Variants in ANKRD55 observed in about 807,000 individuals in gnomAD.
ANKRD55 encodes the protein ankyrin repeat domain 55, also known as ankyrin repeat domain-containing protein 55.
A neutral mutation model predicts 60.6 loss-of-function variants in ANKRD55; 41 were observed. That is an observed-to-expected ratio of 0.68 (90% CI 0.53 to 0.88). The LOEUF is 0.88. Among genes scored for constraint, ANKRD55 ranks in the 40% least tolerant of loss-of-function variants. The pLI is 0.00. For synonymous variants in ANKRD55, 264 were observed against 290.3 expected (o/e 0.91, Z 0.92); for missense variants, 732 against 767.6 (o/e 0.95, Z 0.55).
At chr5:56,124,448 TA>T (rs1204643000) in intron 8 of ANKRD55, among the ~76,000 whole-genome samples, 11 of 152,334 alleles carry the variant, frequency 7.2e-5, no homozygotes, top group African/African-American at 2.6e-4. Context: ...ACAATTATTG[TA>T]AATACTTAAA....
chr5:56,226,696 T>G (rs1185782076), intron 2 of ANKRD55, among the ~76,000 whole-genome samples: 2 of 152,198 alleles, frequency 1.3e-5, no homozygotes, highest in Non-Finnish European at 2.9e-5. Context: ...CAGACACTTC[T>G]CAAAAGAAGA....
chr5:56,193,110 C>A, intron 2 of ANKRD55: 1 of 686,162 alleles, frequency 1.5e-6, no homozygotes, highest in Non-Finnish European at 2.4e-6. Context: ...AAATATGATT[C>A]TAAAGAACAC....
chr5:56,194,102 G>C (rs1023049199), intron 2 of ANKRD55, among the ~76,000 whole-genome samples: 1 of 152,050 alleles, frequency 6.6e-6, no homozygotes, highest in African/African-American at 2.4e-5. Context: ...TGGATCACGA[G>C]GTCAGGAGAT....
rs747705689 is a variant in ANKRD55 at position 56,183,610 on chromosome 5, A to G, written c.83T>C (p.Leu28Pro). The change falls in exon 3 of 12, where the codon CTG becomes CCG. Residue 28 changes from leucine to proline, a missense_variant. Leu to Pro is a moderately conservative substitution (Grantham distance 98, BLOSUM62 -3). Transcript: ENST00000341048. ...QRGDSSEEVD[L>P]TMVYQAASNG... ...AGAGGCTGCTTGATAAACCATGGTC[A>G]GGTCAACTTCCTCAGATGAGTCACC... 1.2e-6 allele frequency: 2 copies of G among 1,614,192 alleles called. No individual in the cohort carries two copies. The highest frequency in any genetic ancestry group is 1.7e-6 in the Non-Finnish European group (2 of 1,180,036).
At chr5:56,186,813 A>T (rs1758985472) in intron 2 of ANKRD55, among the ~76,000 whole-genome samples, 1 of 152,220 alleles carries the variant, frequency 6.6e-6, no homozygotes, top group African/African-American at 2.4e-5. Context: ...GGCACAAGAA[A>T]TAGGGCCCAG....
intron 7 of ANKRD55, chr5:56,137,029 AAG>A: frequency 2.7e-6 from 2 of 736,512 alleles, no homozygotes; most frequent in Non-Finnish European, 5.1e-6. Flanking sequence ...CATGCAAATC[AAG>A]AGGTTCAAGT....
chr5:56,217,580 A>G (rs974578791), intron 2 of ANKRD55, among the ~76,000 whole-genome samples: 3 of 152,200 alleles, frequency 2.0e-5, no homozygotes, highest in Non-Finnish European at 4.4e-5. Context: ...AAAACTCTGG[A>G]AAGAATTAAC....
chr5:56,184,134 C>T (rs540094363), intron 2 of ANKRD55, among the ~76,000 whole-genome samples: 15 of 152,222 alleles, frequency 9.9e-5, no homozygotes, highest in Non-Finnish European at 2.1e-4. Context: ...GAGTGCTCCA[C>T]CCAGGCTCCC....
rs917684028 is a variant in ANKRD55 at position 56,176,276 on chromosome 5, G to T, written c.188C>A (p.Thr63Lys). 1.2e-6 allele frequency: 2 copies of T among 1,614,144 alleles called. No homozygotes were observed. Among genetic ancestry groups the T allele is most frequent in the Non-Finnish European group, 1.7e-6 (2 of 1,180,008 alleles). The part of the protein sequence containing the change: ...ILECCDSEGC[T>K]PLMHAVSGRQ... ...TCCAGAAACCGCATGCATCAAGGGCGTGCATCCTGGAATGAGACATTTCAA... is the reference window on the plus strand; with the variant it reads ...TCCAGAAACCGCATGCATCAAGGGCTTGCATCCTGGAATGAGACATTTCAA... The change falls in exon 4 of 12, where the codon ACG becomes AAG. Residue 63 changes from threonine to lysine, a missense_variant. By Grantham distance (78) the Thr-to-Lys change is moderately conservative (BLOSUM62 -1). Transcript: ENST00000341048.
chr5:56,170,006 A>G (rs1758570894), intron 5 of ANKRD55, among the ~76,000 whole-genome samples: 1 of 152,334 alleles, frequency 6.6e-6, no homozygotes, highest in South Asian at 2.1e-4. Context: ...TTCATTGCTC[A>G]GTTATCTTAC....
intron 5 of ANKRD55, among the ~76,000 whole-genome samples, chr5:56,161,196 A>G (rs1374496523): frequency 1.3e-5 from 2 of 151,956 alleles, no homozygotes; most frequent in East Asian, 3.9e-4. Flanking sequence ...CAGGGTTTCT[A>G]ACTCAGTAGG....
chr5:56,135,290 GCTTGCTTTCTTTCTTT>G lies in ANKRD55; in HGVS notation c.613-8200_613-8185del, dbSNP rs1413893325. Among the ~76,000 whole-genome samples, 9 of 69,330 alleles carry G rather than the reference GCTTGCTTTCTTTCTTT, an allele frequency of 1.3e-4. No homozygotes were observed. In the East Asian group the frequency reaches 2.6e-3, roughly 20 times the overall value. The allele number at this position is 69,330 out of a possible 152,430, so 45.5% of individuals were successfully genotyped here. A position where few individuals can be genotyped will look rare whatever the true frequency, so the allele number is the denominator to read the frequency against. ...TCCCTCCCTCCCTCCCTGCCTGCCT[GCTTGCTTTCTTTCTTT>G]CTTTCTTTCTTTCTTTCTTTCTTTC... On this transcript the variant is annotated intron_variant, in intron 7 of 11. Transcript: ENST00000341048.
chr5:56,158,691 CTTTTCT>C (rs1758254318), intron 6 of ANKRD55, among the ~76,000 whole-genome samples: 1 of 152,124 alleles, frequency 6.6e-6, no homozygotes, highest in Non-Finnish European at 1.5e-5. Context: ...TCATCTTTTT[CTTTTCT>C]TTTTGGAGGG....
intron 2 of ANKRD55, among the ~76,000 whole-genome samples, chr5:56,210,094 G>A (rs901657487): frequency 1.3e-5 from 2 of 151,898 alleles, no homozygotes; most frequent in Admixed American, 6.6e-5. Context: ...TGCAGCCTCC[G>A]CCTCCCGATT....
intron 9 of ANKRD55, among the ~76,000 whole-genome samples, chr5:56,113,286 G>T (rs772115851): frequency 6.6e-6 from 1 of 152,174 alleles, no homozygotes; most frequent in East Asian, 1.9e-4. Flanking sequence ...TGGTGCAATA[G>T]AGGTGGTGGG....
At chr5:56,182,432 T>C (rs929659861) in intron 3 of ANKRD55, among the ~76,000 whole-genome samples, 13 of 152,234 alleles carry the variant, frequency 8.5e-5, no homozygotes, top group Non-Finnish European at 1.5e-4. Flanking sequence ...AATTCTCATT[T>C]GGTTTTTCCT....
intron 5 of ANKRD55, among the ~76,000 whole-genome samples, chr5:56,160,106 C>T (rs1488725049): frequency 6.6e-6 from 1 of 152,148 alleles, no homozygotes; most frequent in East Asian, 1.9e-4. Context: ...TACTGTCTGC[C>T]TCTCCCACCC....
chr5:56,181,744 C>T (rs1016572780), intron 3 of ANKRD55, among the ~76,000 whole-genome samples: 4 of 152,158 alleles, frequency 2.6e-5, no homozygotes, highest in African/African-American at 9.7e-5. Context: ...CTTATGCCAC[C>T]GTACCCAGCT....
chr5:56,113,938 C>T (rs763598319), intron 9 of ANKRD55, among the ~76,000 whole-genome samples: 54 of 150,314 alleles, frequency 3.6e-4, no homozygotes, highest in Non-Finnish European at 7.2e-4. Flanking sequence ...GCGTGAGTCA[C>T]TGCGCTCGAC....
Sources: gnomAD v4.1 joint callset for allele counts (sites outside exome capture counted in the v4.1 genomes callset) on GRCh38, gnomAD v4.1.1 for gene constraint, MANE v1.5 for transcripts, NCBI Gene and HGNC (gene_info 2026-07-23, HGNC 2026-07-21) for gene names.